HIRA: variants seen among roughly 807,000 people sequenced by gnomAD.
HIRA encodes protein HIRA.
HIRA carries 13 observed loss-of-function variants against 126.6 expected under a neutral mutation model. The observed-to-expected ratio is 0.10, with a 90% CI of 0.07 to 0.16. The LOEUF (loss-of-function observed/expected upper bound fraction) is 0.16. Ranked by LOEUF, HIRA falls within the 10% of genes least tolerant of loss-of-function variation. The pLI is 1.00. For missense variants in HIRA, 834 were observed against 1,314.4 expected (o/e 0.63, Z 5.65); for synonymous variants, 511 against 520.0 (o/e 0.98, Z 0.24).
intron 15 of HIRA, among the ~76,000 whole-genome samples, chr22:19,368,432 T>A (rs943964910): frequency 6.6e-6 from 1 of 152,062 alleles, no homozygotes; most frequent in African/African-American, 2.4e-5. Flanking sequence ...TTTAAAAATT[T>A]TTTTTTTTTT....
chr22:19,369,619 T>C (rs2088946625), intron 15 of HIRA, among the ~76,000 whole-genome samples: 1 of 152,024 alleles, frequency 6.6e-6, no homozygotes, highest in South Asian at 2.1e-4. Flanking sequence ...AACCACTGCA[T>C]GACACTGTGC....
At chr22:19,386,341 C>T (rs938766749) in intron 11 of HIRA, among the ~76,000 whole-genome samples, 10 of 152,204 alleles carry the variant, frequency 6.6e-5, no homozygotes, top group African/African-American at 2.4e-4. Context: ...AGACAGGAGC[C>T]TCATGAGAGC....
At chr22:19,338,244 A>G (rs550386566) in intron 24 of HIRA, among the ~76,000 whole-genome samples, 37 of 152,354 alleles carry the variant, frequency 2.4e-4, no homozygotes, top group African/African-American at 6.0e-4. Flanking sequence ...AAGGAGGCAT[A>G]AAGTCTTTTT....
rs151026220 is a variant in HIRA at position 19,391,216 on chromosome 22, T to C, written c.936+885A>G. ...CAACATACACGAATCTCAAAAACAC[T>C]GTGCCAAGCAAAAGAAATGAAGACA... On this transcript the variant is annotated intron_variant, in intron 9 of 24. Coordinates refer to ENST00000263208, the MANE Select transcript of HIRA (RefSeq NM_003325.4). Among the ~76,000 whole-genome samples, 445 of 152,246 alleles carry C rather than the reference T, an allele frequency of 2.9e-3. 4 individuals are homozygous for C. Among genetic ancestry groups the C allele is most frequent in the South Asian group, 9.5e-3 (46 of 4,826 alleles).
At chr22:19,401,048 C>G (rs993040385) in intron 5 of HIRA, among the ~76,000 whole-genome samples, 53 of 152,256 alleles carry the variant, frequency 3.5e-4, no homozygotes, top group Admixed American at 7.2e-4. Flanking sequence ...CCCACCACCA[C>G]TCCCCCTTTT....
chr22:19,359,395 C>T lies in HIRA; in HGVS notation c.2175G>A (p.Arg725=), dbSNP rs746744878. ...GTACCGTCTCCCACTCCTTCCCTTC[C>T]CGGTTGCACTTCAGGCGGCTCAGCT... ...GVKLSRLKCN[R]EGKEWETVLT... The change falls in exon 18 of 25, where the codon CGG becomes CGA. Residue 725 remains arginine, a synonymous_variant. Coordinates refer to ENST00000263208, the MANE Select transcript of HIRA (RefSeq NM_003325.4). 2.4e-5 allele frequency: 38 copies of T among 1,610,748 alleles called. No homozygotes were observed. The highest frequency in any genetic ancestry group is 3.1e-5 in the Non-Finnish European group (37 of 1,178,770).
At chr22:19,358,800 T>C (rs1246717357) in intron 18 of HIRA, among the ~76,000 whole-genome samples, 4 of 152,138 alleles carry the variant, frequency 2.6e-5, no homozygotes, top group Admixed American at 6.5e-5. Flanking sequence ...CCCTTCCACA[T>C]TGAACACAGG....
intron 2 of HIRA, among the ~76,000 whole-genome samples, 155 bp downstream of exon 2, chr22:19,410,561 T>C (rs1459568557): frequency 6.6e-6 from 1 of 152,262 alleles, no homozygotes; most frequent in Non-Finnish European, 1.5e-5. Context: ...TTTGATTTTA[T>C]TCATTCAGAT....
intron 1 of HIRA, among the ~76,000 whole-genome samples, chr22:19,423,269 G>T (rs2089462312): frequency 6.6e-6 from 1 of 152,054 alleles, no homozygotes; most frequent in Admixed American, 6.6e-5. Flanking sequence ...CCAATTCACA[G>T]GATCTTGTTT....
intron 5 of HIRA, among the ~76,000 whole-genome samples, chr22:19,403,145 T>C (rs1250486300): frequency 2.6e-5 from 4 of 151,592 alleles, no homozygotes; most frequent in Non-Finnish European, 4.4e-5. Flanking sequence ...TATCTTCCTA[T>C]GGGCATTTTA....
At chr22:19,410,952 T>C (rs191037749) in intron 1 of HIRA, among the ~76,000 whole-genome samples, 174 bp from the exon 2 acceptor site, 2 of 152,342 alleles carry the variant, frequency 1.3e-5, no homozygotes, top group African/African-American at 2.4e-5. Flanking sequence ...GCTGAGCCCA[T>C]AGGATGCCTG....
chr22:19,354,492 T>C (rs1316552120), intron 21 of HIRA, among the ~76,000 whole-genome samples: 1 of 152,204 alleles, frequency 6.6e-6, no homozygotes, highest in Non-Finnish European at 1.5e-5. Flanking sequence ...GCCTGGGCCC[T>C]GTAGCTAGCG....
At chr22:19,361,210 G>A in intron 17 of HIRA, 27 bp downstream of exon 17, 1 of 1,527,938 alleles carries the variant, frequency 6.5e-7, no homozygotes, top group Non-Finnish European at 9.1e-7. Flanking sequence ...GTGCCTGAGG[G>A]AGAACTGGCA....
intron 24 of HIRA, among the ~76,000 whole-genome samples, chr22:19,335,941 T>C (rs1349553806): frequency 2.0e-5 from 3 of 152,254 alleles, no homozygotes; most frequent in African/African-American, 7.2e-5. Flanking sequence ...CGTCTTTTAC[T>C]GTACTGCACT....
chr22:19,375,391 T>C (rs1433843387), intron 15 of HIRA, among the ~76,000 whole-genome samples: 2 of 152,226 alleles, frequency 1.3e-5, no homozygotes, highest in African/African-American at 2.4e-5. Context: ...GCCTTTGACC[T>C]TGTGGTTCTT....
chr22:19,406,703 G>A (rs985047936), intron 4 of HIRA, among the ~76,000 whole-genome samples: 9 of 152,236 alleles, frequency 5.9e-5, no homozygotes, highest in African/African-American at 2.2e-4. Flanking sequence ...CTGGCCCAGA[G>A]ACCTGGGAGC....
chr22:19,349,992 CTTT>C (rs1241492973), intron 24 of HIRA, among the ~76,000 whole-genome samples: 2 of 144,916 alleles, frequency 1.4e-5, no homozygotes. Flanking sequence ...TTTTTCTTTT[CTTT>C]TTTTTTTTTT....
chr22:19,394,852 C>A (rs1233448204), intron 7 of HIRA, among the ~76,000 whole-genome samples: 2 of 152,240 alleles, frequency 1.3e-5, no homozygotes, highest in Admixed American at 6.5e-5. Flanking sequence ...CCCAATTCTT[C>A]TGTGTAGCAC....
At chr22:19,377,317 A>T (rs1453718200) in intron 14 of HIRA, among the ~76,000 whole-genome samples, 1 of 152,214 alleles carries the variant, frequency 6.6e-6, no homozygotes, top group African/African-American at 2.4e-5. Context: ...TATAACCCAG[A>T]GCAGGTGCTG....
Sources: gnomAD v4.1 joint callset for allele counts (sites outside exome capture counted in the v4.1 genomes callset) on GRCh38, gnomAD v4.1.1 for gene constraint, MANE v1.5 for transcripts, NCBI Gene and HGNC (gene_info 2026-07-23, HGNC 2026-07-21) for gene names.